The following PKHD1L1 variants were observed in gnomAD, a reference collection of about 807,000 sequenced individuals.
PKHD1L1 encodes the protein PKHD1 like 1.
PKHD1L1 carries 434 observed loss-of-function variants against 462.9 expected under a neutral mutation model. That is an observed-to-expected ratio of 0.94 (90% CI 0.87 to 1.02). PKHD1L1 has a LOEUF of 1.02. Among genes scored for constraint, PKHD1L1 ranks in the 50% least tolerant of loss-of-function variants. The pLI, the probability that PKHD1L1 is intolerant of heterozygous loss-of-function variation, is 0.00. For missense variants in PKHD1L1, 5,202 were observed against 5,096.1 expected (o/e 1.02, Z -0.63); for synonymous variants, 1,781 against 1,750.0 (o/e 1.02, Z -0.44).
chr8:109,388,389 G>A (rs1298326331), intron 6 of PKHD1L1, 108 bp from the exon 7 acceptor site: 1 of 763,788 alleles, frequency 1.3e-6, no homozygotes, highest in African/African-American at 1.8e-5. Flanking sequence ...AATAATAAGT[G>A]ATTGAGAAAA....
chr8:109,464,953 C>A lies in PKHD1L1; in HGVS notation c.8121C>A (p.Ala2707=). The A allele has an allele frequency of 6.2e-7, 1 of 1,613,770 alleles. No individual in the cohort carries two copies. The highest frequency in any genetic ancestry group is 1.1e-5 in the South Asian group (1 of 91,078). ...CCAATGGAGCGGTGATTAAAAATGC[C>A]AAAATAGTCGGCCATCTTGATGAAC... ...GETNGAVIKN[A]KIVGHLDELG... Residue 2707 remains alanine, a synonymous_variant, in exon 49 of 78, where the codon GCC becomes GCA. Coordinates refer to ENST00000378402, the MANE Select transcript of PKHD1L1 (RefSeq NM_177531.6).
chr8:109,481,938 CT>C (rs1280604564), intron 56 of PKHD1L1, among the ~76,000 whole-genome samples: 2 of 151,608 alleles, frequency 1.3e-5, no homozygotes, highest in African/African-American at 4.8e-5. Context: ...ATTTTGGTAC[CT>C]TTCCTTAAAG....
chr8:109,471,617 G>A (rs1042105922), intron 50 of PKHD1L1, among the ~76,000 whole-genome samples: 36 of 152,056 alleles, frequency 2.4e-4, no homozygotes, highest in Non-Finnish European at 5.0e-4. Context: ...TCTACCTCAC[G>A]GTAACAAGAG....
At chr8:109,512,633 G>A (rs1472290777) in intron 71 of PKHD1L1, among the ~76,000 whole-genome samples, 1 of 151,998 alleles carries the variant, frequency 6.6e-6, no homozygotes, top group Non-Finnish European at 1.5e-5. Context: ...GTAGCATGAT[G>A]CCTCCAGCTT....
At position 109,433,168 on chromosome 8, in the gene PKHD1L1, G is replaced by A; in HGVS notation, c.3292G>A (p.Val1098Ile). Residue 1098 changes from valine to isoleucine, a missense_variant, in exon 28 of 78, where the codon GTA becomes ATA. This residue lies in a region of PKHD1L1 where 4,497 missense variants were observed against 4,336.8 expected (regional missense o/e 1.04). Transcript: ENST00000378402. ...TTCTGGATTTTCTCCTAGTTCAGCT[G>A]TAACAGTCTCAGTTGGACCAGTAGG... is the stretch of plus-strand genomic sequence containing the variant. ...VGSGFSPSSA[V>I]TVSVGPVGCS... 2 of 1,613,638 alleles carry A rather than the reference G, an allele frequency of 1.2e-6. No individual in the cohort carries two copies. Among genetic ancestry groups the A allele is most frequent in the Non-Finnish European group, 1.7e-6 (2 of 1,179,678 alleles).
intron 73 of PKHD1L1, among the ~76,000 whole-genome samples, chr8:109,519,327 GC>G (rs1477007492): frequency 2.0e-5 from 3 of 152,060 alleles, no homozygotes; most frequent in Non-Finnish European, 1.5e-5. Flanking sequence ...TTGAGTAAAT[GC>G]TCAGCTCTTC....
chr8:109,510,006 T>C (rs560886359), intron 70 of PKHD1L1, among the ~76,000 whole-genome samples: 1 of 152,148 alleles, frequency 6.6e-6, no homozygotes, highest in East Asian at 1.9e-4. Context: ...GCTCAGAAAA[T>C]GTTTGGATTC....
rs1268114206 is a variant in PKHD1L1 at position 109,385,596 on chromosome 8, C to G, written c.535C>G (p.Leu179Val). The G allele has an allele frequency of 1.9e-6, 3 of 1,604,158 alleles. No homozygotes were observed. Among genetic ancestry groups the G allele is most frequent in the African/African-American group, 1.3e-5 (1 of 74,572 alleles). Residue 179 changes from leucine (L) to valine (V), a missense_variant, in exon 6 of 78, where the codon CTA becomes GTA. Physicochemically the swap from Leu to Val is conservative, Grantham distance 32. Transcript: ENST00000378402. ...TGATGTCTATGGAAGTAATATTGCA[C>G]TAAGCTCAAATGGGAAAAATGTTAG... is the stretch of plus-strand genomic sequence containing the variant. ...FTDVYGSNIALSSNGKNVRIL... is the reference protein window; with the variant it reads ...FTDVYGSNIAVSSNGKNVRIL...
chr8:109,465,738 C>G (rs1817406880), intron 49 of PKHD1L1, among the ~76,000 whole-genome samples: 1 of 152,116 alleles, frequency 6.6e-6, no homozygotes, highest in Non-Finnish European at 1.5e-5. Context: ...AAATAAGTCA[C>G]AAACCAGCTG....
intron 2 of PKHD1L1, among the ~76,000 whole-genome samples, chr8:109,375,859 G>A (rs1811792267): frequency 6.6e-6 from 1 of 152,168 alleles, no homozygotes; most frequent in South Asian, 2.1e-4. Context: ...CGTTCCTCTG[G>A]AAGTTTTGTC....
chr8:109,449,456 A>T lies in PKHD1L1; in HGVS notation c.6144A>T (p.Thr2048=), dbSNP rs747747279. Residue 2048 remains threonine, a synonymous_variant, in exon 40 of 78, where the codon ACA becomes ACT. Transcript: ENST00000378402. ...TTGACAGGCTTAGATCTGATTACAC[A>T]ACACTATTATGTGAAATTCCATCTA... ...CAIDRLRSDY[T]TLLCEIPSNN... is the part of the protein sequence containing the mutation. 3.7e-6 allele frequency: 6 copies of T among 1,600,038 alleles called. No homozygotes were observed. The highest frequency in any genetic ancestry group is 5.1e-6 in the Non-Finnish European group (6 of 1,172,596).
intron 4 of PKHD1L1, 79 bp downstream of exon 4, chr8:109,382,650 GT>G: frequency 2.8e-6 from 3 of 1,086,838 alleles, no homozygotes; most frequent in South Asian, 1.8e-5. Flanking sequence ...TTCCTTTTTA[GT>G]TTTATAGACT....
rs1813205523 is a variant in PKHD1L1 at position 109,400,269 on chromosome 8, T to C, written c.1206T>C (p.Asp402=). 2.5e-6 allele frequency: 4 copies of C among 1,613,678 alleles called. No individual in the cohort carries two copies. The South Asian group carries it at 3.3e-5, about 13-fold the overall frequency. ...GATTTTTGGTGGCTCCAGATTCTGA[T>C]GTTTATAGATTCTACATCAAGGGTG... ...FSGFLVAPDS[D]VYRFYIKGDD... The change falls in exon 13 of 78, where the codon GAT becomes GAC. Residue 402 remains aspartate (D), a synonymous_variant. Coordinates refer to ENST00000378402, the MANE Select transcript of PKHD1L1 (RefSeq NM_177531.6).
chr8:109,491,069 A>G lies in PKHD1L1; in HGVS notation c.10082A>G (p.Asp3361Gly), dbSNP rs1002189210. The G allele has an allele frequency of 1.9e-6, 3 of 1,609,618 alleles. No homozygotes were observed. Among genetic ancestry groups the G allele is most frequent in the African/African-American group, 2.7e-5 (2 of 74,838 alleles). Residue 3361 changes from aspartate (D) to glycine (G), a missense_variant, in exon 61 of 78, where the codon GAT (aspartate) becomes GGT (glycine). Coordinates refer to ENST00000378402, the MANE Select transcript of PKHD1L1 (RefSeq NM_177531.6). ...GVFGTDGLDIDDNIIHFTVGE... is the reference protein window; with the variant it reads ...GVFGTDGLDIGDNIIHFTVGE... ...TTTGGGACAGATGGATTGGACATAG[A>G]TGACAACATCATTCACTTTACAGTG...
Position 109,465,150 on chromosome 8 carries a change from AG to A in PKHD1L1, c.8319del (p.Lys2773AsnfsTer23). The A allele has an allele frequency of 6.2e-7, 1 of 1,613,734 alleles. No homozygotes were observed. Among genetic ancestry groups the A allele is most frequent in the South Asian group, 1.1e-5 (1 of 91,078 alleles). On this transcript the variant is annotated frameshift_variant, in exon 49 of 78. Coordinates refer to ENST00000378402, the MANE Select transcript of PKHD1L1 (RefSeq NM_177531.6). LOFTEE classifies it high-confidence loss of function. ...GACAGATGTGGGGGTTGGAGTGCAA[AG>A]TTTGTTGACGTCCAGTATTCTCACA... ...CNDRCGGWSA[K>X]FVDVQYSHTP...
At chr8:109,389,253 G>T in intron 8 of PKHD1L1, 101 bp downstream of exon 8, 2 of 864,030 alleles carry the variant, frequency 2.3e-6, no homozygotes, top group Non-Finnish European at 3.5e-6. Flanking sequence ...TTTTGGATCA[G>T]GTGTTTTTGT....
At chr8:109,383,166 A>T (rs563519736) in intron 4 of PKHD1L1, among the ~76,000 whole-genome samples, 1,007 of 89,778 alleles carry the variant, frequency 0.011, 20 homozygotes, top group African/African-American at 0.045. Flanking sequence ...TTTATATATA[A>T]TATATACAAT....
chr8:109,428,658 T>G (rs189339150), intron 25 of PKHD1L1, among the ~76,000 whole-genome samples: 13 of 152,300 alleles, frequency 8.5e-5, no homozygotes, highest in African/African-American at 2.9e-4. Context: ...TGTCTGTGCA[T>G]CTACTCTCTT....
At chr8:109,433,530 G>T (rs754230890) in intron 28 of PKHD1L1, among the ~76,000 whole-genome samples, 1 of 152,108 alleles carries the variant, frequency 6.6e-6, no homozygotes, top group Non-Finnish European at 1.5e-5. Context: ...ACACAAAAAT[G>T]TATGAAATGC....
Sources: gnomAD v4.1 joint callset for allele counts (sites outside exome capture counted in the v4.1 genomes callset) on GRCh38, gnomAD v4.1.1 for gene constraint, gnomAD v4.1.1 regional missense constraint, MANE v1.5 for transcripts, NCBI Gene and HGNC (gene_info 2026-07-23, HGNC 2026-07-21) for gene names.